Variants in THSD4 observed in about 807,000 individuals in gnomAD.
The protein encoded by THSD4 is thrombospondin type-1 domain-containing protein 4.
THSD4 carries 69 observed loss-of-function variants against 119.0 expected under a neutral mutation model. The observed-to-expected ratio is 0.58, with a 90% CI of 0.48 to 0.71. The LOEUF (loss-of-function observed/expected upper bound fraction) is 0.71, where lower values mean the gene tolerates loss of function less well. THSD4 is among the 30% of genes least tolerant of loss of function. The pLI is 0.00. For synonymous variants in THSD4, 524 were observed against 540.4 expected, an observed-to-expected ratio of 0.97 and a Z score of 0.42; for missense variants, 1,393 against 1,391.1, an observed-to-expected ratio of 1.00 and a Z score of -0.02.
intron 6 of THSD4, among the ~76,000 whole-genome samples, chr15:71,349,375 C>T (rs145090770): frequency 1.2e-3 from 183 of 152,278 alleles, no homozygotes; most frequent in African/African-American, 4.2e-3. Flanking sequence ...CATTCACATG[C>T]GTACATTTGC....
chr15:71,506,476 G>A (rs1361911426), intron 7 of THSD4, among the ~76,000 whole-genome samples: 3 of 152,128 alleles, frequency 2.0e-5, no homozygotes, highest in South Asian at 2.1e-4. Flanking sequence ...ACTCTACCCC[G>A]TAAGGCCCAT....
intron 6 of THSD4, among the ~76,000 whole-genome samples, chr15:71,374,748 A>G (rs2046107680): frequency 6.6e-6 from 1 of 152,204 alleles, no homozygotes; most frequent in African/African-American, 2.4e-5. Context: ...AGCAAAGGAA[A>G]ACGCCCAATC....
chr15:71,141,595 A>C (rs1417415695), intron 2 of THSD4, 39 bp downstream of exon 2: 5 of 1,586,068 alleles, frequency 3.2e-6, no homozygotes, highest in Admixed American at 1.8e-5. Flanking sequence ...CAGGAGAATA[A>C]GAAATTTGAT....
At chr15:71,506,178 ACTCC>A (rs2048183341) in intron 7 of THSD4, among the ~76,000 whole-genome samples, 1 of 151,964 alleles carries the variant, frequency 6.6e-6, no homozygotes, top group South Asian at 2.1e-4. Context: ...TTGTTCCTTA[ACTCC>A]CATCTGTGGT....
chr15:71,192,774 A>G (rs545286139), intron 3 of THSD4, among the ~76,000 whole-genome samples: 19 of 152,248 alleles, frequency 1.2e-4, no homozygotes, highest in Admixed American at 7.8e-4. Context: ...ACTCTTGTCC[A>G]TGACAACTGT....
At position 71,639,358 on chromosome 15, in the gene THSD4, T is replaced by C. The variant is rs570228504; in HGVS notation, c.1153-21172T>C. ...ATTTGGGAATGACATTCACTTAAGC[T>C]CATAGAATATCATTATTTGATGTAA... On this transcript the variant is annotated intron_variant, in intron 7 of 17. Transcript: ENST00000261862. Among the ~76,000 whole-genome samples, 7 of 152,324 alleles carry C rather than the reference T, an allele frequency of 4.6e-5. No individual in the cohort carries two copies. In the East Asian group the frequency reaches 1.2e-3, roughly 25 times the overall value.
Position 71,723,727 on chromosome 15 carries a change from G to C in THSD4, c.1358-4822G>C, listed in dbSNP as rs1322875782. On this transcript the variant is annotated intron_variant, in intron 8 of 17. Transcript: ENST00000261862. ...TAGAGCATGGCAGGGAAGAGAGGGG[G>C]CTGGACTAGGGGTGGGAGAAGACTG... Among the ~76,000 whole-genome samples, 7 of 152,260 alleles carry C rather than the reference G, an allele frequency of 4.6e-5. No homozygotes were observed. The East Asian group carries it at 1.4e-3, about 29-fold the overall frequency.
intron 6 of THSD4, among the ~76,000 whole-genome samples, chr15:71,364,014 T>TGTTACTC (rs148338237): frequency 4.6e-4 from 70 of 152,326 alleles, no homozygotes; most frequent in Non-Finnish European, 7.2e-4. Flanking sequence ...ATTAAAGTTG[T>TGTTACTC]GTTACTCAAG....
intron 7 of THSD4, among the ~76,000 whole-genome samples, chr15:71,468,383 G>A (rs1345028277): frequency 6.6e-6 from 1 of 152,116 alleles, no homozygotes; most frequent in Non-Finnish European, 1.5e-5. Context: ...TCCTGCACAT[G>A]CTCTCTCAGA....
At chr15:71,109,238 T>A (rs532419683) in intron 1 of THSD4, among the ~76,000 whole-genome samples, 1 of 152,308 alleles carries the variant, frequency 6.6e-6, no homozygotes, top group African/African-American at 2.4e-5. Context: ...GCTCTATCAA[T>A]GTCTTCATGA....
At chr15:71,383,385 G>A (rs1439214235) in intron 6 of THSD4, among the ~76,000 whole-genome samples, 5 of 152,142 alleles carry the variant, frequency 3.3e-5, no homozygotes, top group Non-Finnish European at 5.9e-5. Context: ...TCAAAGGCAC[G>A]GAACTGAGAC....
intron 15 of THSD4, among the ~76,000 whole-genome samples, chr15:71,759,354 T>C (rs964658127): frequency 2.0e-5 from 3 of 152,216 alleles, no homozygotes; most frequent in Non-Finnish European, 2.9e-5. Flanking sequence ...TCTCATGAGT[T>C]TTCTGGCTCT....
chr15:71,391,511 G>A (rs1392209261), intron 6 of THSD4, among the ~76,000 whole-genome samples: 1 of 152,112 alleles, frequency 6.6e-6, no homozygotes, highest in Non-Finnish European at 1.5e-5. Context: ...AGAAAGTAGA[G>A]CATCAAGCTT....
intron 4 of THSD4, among the ~76,000 whole-genome samples, chr15:71,241,445 C>T (rs548959059): frequency 6.6e-6 from 1 of 152,288 alleles, no homozygotes; most frequent in South Asian, 2.1e-4. Context: ...CTCTAAGGCC[C>T]TTACCCCGCC....
At chr15:71,467,844 G>GAT (rs1401978279) in intron 7 of THSD4, among the ~76,000 whole-genome samples, 3 of 13,284 alleles carry the variant, frequency 2.3e-4, no homozygotes, top group Admixed American at 2.3e-3. Context: ...GAGATATGAT[G>GAT]GTTTTTTTTT....
chr15:71,180,114 C>A, intron 3 of THSD4, among the ~76,000 whole-genome samples: 1 of 127,184 alleles, frequency 7.9e-6, no homozygotes, highest in Non-Finnish European at 1.6e-5. Context: ...GCACAATGTG[C>A]ACATGTACCC....
chr15:71,440,748 A>C (rs1176825902), intron 7 of THSD4, among the ~76,000 whole-genome samples: 1 of 152,206 alleles, frequency 6.6e-6, no homozygotes, highest in Non-Finnish European at 1.5e-5. Context: ...TTACTGTTTA[A>C]TTCAGGGCTG....
Position 71,201,193 on chromosome 15 carries a change from G to A in THSD4, c.100-13842G>A, listed in dbSNP as rs541859012. On this transcript the variant is annotated intron_variant, in intron 3 of 17. Transcript: ENST00000261862. ...GGTTGTTTGAAAAAAAAAAGAGATGGAGGACCCCGTGTTGTAGAAGAAAGG... is the reference window on the plus strand; with the variant it reads ...GGTTGTTTGAAAAAAAAAAGAGATGAAGGACCCCGTGTTGTAGAAGAAAGG... Among the ~76,000 whole-genome samples, 13 of 152,162 alleles carry A rather than the reference G, an allele frequency of 8.5e-5. No homozygotes were observed. In the South Asian group the frequency reaches 2.7e-3, roughly 32 times the overall value.
chr15:71,671,501 T>G (rs1293538291), intron 8 of THSD4, among the ~76,000 whole-genome samples: 1 of 152,252 alleles, frequency 6.6e-6, no homozygotes, highest in African/African-American at 2.4e-5. Context: ...AGATCCCATT[T>G]GTCAATTTTG....
Sources: gnomAD v4.1 joint callset for allele counts (sites outside exome capture counted in the v4.1 genomes callset) on GRCh38, gnomAD v4.1.1 for gene constraint, MANE v1.5 for transcripts, NCBI Gene and HGNC (gene_info 2026-07-23, HGNC 2026-07-21) for gene names.